The following RHOBTB1 variants were observed in gnomAD, a reference collection of about 807,000 sequenced individuals.
RHOBTB1 encodes the protein rho-related BTB domain-containing protein 1.
A neutral mutation model predicts 71.6 loss-of-function variants in RHOBTB1; 40 were observed. The ratio of observed to expected loss-of-function variants is 0.56; its 90% CI spans 0.43 to 0.73. The LOEUF is 0.73. Among genes scored for constraint, RHOBTB1 ranks in the 30% least tolerant of loss-of-function variants. The pLI, the probability that RHOBTB1 is intolerant of heterozygous loss-of-function variation, is 0.00. For synonymous variants in RHOBTB1, 319 were observed against 334.9 expected (o/e 0.95, Z 0.52); for missense variants, 797 against 894.0 (o/e 0.89, Z 1.38).
intron 8 of RHOBTB1, among the ~76,000 whole-genome samples, chr10:60,876,043 A>G (rs1414205872): frequency 6.6e-6 from 1 of 152,232 alleles, no homozygotes; most frequent in Non-Finnish European, 1.5e-5. Context: ...TCTGGTCAAT[A>G]CAGTATCGGG....
chr10:60,918,491 G>A (rs1435516122), intron 2 of RHOBTB1, among the ~76,000 whole-genome samples: 2 of 152,202 alleles, frequency 1.3e-5, no homozygotes, highest in Non-Finnish European at 2.9e-5. Context: ...TCAGGGCACT[G>A]TGGCTGATGT....
intron 2 of RHOBTB1, among the ~76,000 whole-genome samples, chr10:60,920,274 C>G (rs1247831202): frequency 6.6e-6 from 1 of 152,038 alleles, no homozygotes; most frequent in African/African-American, 2.4e-5. Context: ...AACAAGTAAA[C>G]AGGTAGACAA....
chr10:60,956,850 A>C (rs962054224), intron 2 of RHOBTB1, among the ~76,000 whole-genome samples: 127 of 152,056 alleles, frequency 8.4e-4, no homozygotes, highest in African/African-American at 2.7e-3. Flanking sequence ...CCTCCATCTA[A>C]ATTTGTGGTC....
intron 6 of RHOBTB1, 120 bp downstream of exon 6, chr10:60,888,092 G>A (rs2081679684): frequency 2.6e-6 from 3 of 1,143,282 alleles, no homozygotes; most frequent in Admixed American, 5.6e-5. Context: ...AAAGGTACAT[G>A]GGAAAAAATA....
At chr10:60,873,931 T>C (rs886455090) in intron 9 of RHOBTB1, among the ~76,000 whole-genome samples, 2 of 152,242 alleles carry the variant, frequency 1.3e-5, no homozygotes, top group African/African-American at 4.8e-5. Flanking sequence ...ACTTGTTGAA[T>C]GCTAAGTCAT....
chr10:60,926,058 C>T (rs924326823), intron 2 of RHOBTB1, among the ~76,000 whole-genome samples: 3 of 152,014 alleles, frequency 2.0e-5, no homozygotes, highest in African/African-American at 7.2e-5. Flanking sequence ...TGGTGCACCC[C>T]GTCCCCCGTC....
upstream of RHOBTB1, among the ~76,000 whole-genome samples, chr10:60,948,176 C>T (rs1681630628): frequency 6.6e-6 from 1 of 152,114 alleles, no homozygotes; most frequent in South Asian, 2.1e-4. Context: ...TGTCTTTTTA[C>T]TGTTGAGTTT....
At chr10:60,905,406 C>T (rs185208744) in intron 4 of RHOBTB1, among the ~76,000 whole-genome samples, 205 of 142,102 alleles carry the variant, frequency 1.4e-3, no homozygotes, top group African/African-American at 5.0e-3. Flanking sequence ...GCCAAGATCG[C>T]GCCACTGCAC....
chr10:60,984,327 A>T (rs2086594708), intron 2 of RHOBTB1, among the ~76,000 whole-genome samples: 1 of 152,248 alleles, frequency 6.6e-6, no homozygotes, highest in South Asian at 2.1e-4. Flanking sequence ...CTAAAAAAAT[A>T]ACATTTAATG....
intron 4 of RHOBTB1, 96 bp from the exon 5 acceptor site, chr10:60,893,091 T>G: frequency 2.3e-6 from 2 of 858,532 alleles, no homozygotes; most frequent in South Asian, 3.7e-5. Flanking sequence ...TCTAATGCCA[T>G]CTCATGTCAC....
chr10:60,991,431 CTT>C (rs34517890), intron 1 of RHOBTB1, among the ~76,000 whole-genome samples: 23 of 133,900 alleles, frequency 1.7e-4, no homozygotes, highest in African/African-American at 3.1e-4. Flanking sequence ...TCCCTCAGTA[CTT>C]TTTTTTTTTT....
chr10:60,886,704 T>C (rs1305693650), intron 6 of RHOBTB1, among the ~76,000 whole-genome samples: 1 of 145,192 alleles, frequency 6.9e-6, no homozygotes, highest in Non-Finnish European at 1.5e-5. Context: ...ATTACTGTTT[T>C]TTTTAAGAGA....
intron 2 of RHOBTB1, among the ~76,000 whole-genome samples, chr10:60,936,253 G>GCC (rs2084575330): frequency 6.6e-6 from 1 of 152,144 alleles, no homozygotes; most frequent in Admixed American, 6.5e-5. Context: ...TTAATCAACT[G>GCC]CAACATAGGT....
intron 4 of RHOBTB1, among the ~76,000 whole-genome samples, chr10:60,910,246 T>C (rs1161112959): frequency 6.6e-6 from 1 of 152,186 alleles, no homozygotes; most frequent in African/African-American, 2.4e-5. Flanking sequence ...CTAAATATTT[T>C]AAGGCACTTT....
chr10:60,885,904 CA>C (rs548922624), intron 7 of RHOBTB1, among the ~76,000 whole-genome samples: 50 of 152,264 alleles, frequency 3.3e-4, no homozygotes, highest in Middle Eastern at 3.4e-3. Flanking sequence ...AATAGCTCCT[CA>C]AAACTGCAGA....
intron 1 of RHOBTB1, among the ~76,000 whole-genome samples, chr10:60,987,919 CTTTTTTTTTTTTTTTTTTT>C (rs71018937): frequency 1.1e-4 from 6 of 53,738 alleles, no homozygotes; most frequent in African/African-American, 4.4e-4. Flanking sequence ...AAATACTCAA[CTTTTTTTTTTTTTTTTTTT>C]TTTTTTTTTT....
chr10:60,991,721 G>A (rs975018292), intron 1 of RHOBTB1, among the ~76,000 whole-genome samples: 22 of 151,946 alleles, frequency 1.4e-4, no homozygotes, highest in African/African-American at 3.6e-4. Flanking sequence ...ATGAGCCACC[G>A]CACCCGACCT....
intron 2 of RHOBTB1, among the ~76,000 whole-genome samples, chr10:60,932,950 C>G (rs931382318): frequency 3.3e-5 from 5 of 152,198 alleles, no homozygotes; most frequent in Non-Finnish European, 5.9e-5. Flanking sequence ...GCGTGACCAC[C>G]TGCTGTGGTC....
At chr10:60,885,458 G>C (rs1297000267) in intron 7 of RHOBTB1, among the ~76,000 whole-genome samples, 2 of 152,162 alleles carry the variant, frequency 1.3e-5, no homozygotes, top group African/African-American at 4.8e-5. Context: ...ACCTTGAGAG[G>C]TGTGTTCAGG....
Sources: allele counts gnomAD v4.1 joint callset (sites outside exome capture counted in the v4.1 genomes callset), GRCh38; gene constraint gnomAD v4.1.1; transcripts MANE v1.5; gene names NCBI Gene and HGNC (gene_info 2026-07-23, HGNC 2026-07-21).